Variants in NKAIN2 observed in about 807,000 individuals in gnomAD.
NKAIN2 encodes the protein sodium/potassium transporting ATPase interacting 2.
A neutral mutation model predicts 32.6 loss-of-function variants in NKAIN2; 14 were observed. That is an observed-to-expected ratio of 0.43 (90% CI 0.28 to 0.67). The LOEUF (loss-of-function observed/expected upper bound fraction) is 0.67, where lower values mean the gene tolerates loss of function less well. NKAIN2 is among the 30% of genes least tolerant of loss of function. NKAIN2 has a pLI of 0.17. For synonymous variants in NKAIN2, 80 were observed against 87.2 expected, an observed-to-expected ratio of 0.92 and a Z score of 0.46; for missense variants, 198 against 258.3, an observed-to-expected ratio of 0.77 and a Z score of 1.60.
chr6:124,696,486 G>C (rs531741580), intron 4 of NKAIN2, among the ~76,000 whole-genome samples: 54 of 152,214 alleles, frequency 3.5e-4, no homozygotes, highest in African/African-American at 1.3e-3. Context: ...AGACCTGCGG[G>C]ATTGAAAATA....
At position 123,858,119 on chromosome 6, in the gene NKAIN2, TA is replaced by T. The variant is rs768918651; in HGVS notation, c.54+53866del. Among the ~76,000 whole-genome samples, 83 of 148,344 alleles carry T rather than the reference TA, an allele frequency of 5.6e-4. 3 individuals are homozygous for T. The highest frequency in any genetic ancestry group is 6.9e-3 in the Middle Eastern group (2 of 288). On this transcript the variant is annotated intron_variant, in intron 1 of 6. Transcript: ENST00000368417. ...CTATCCTTCCTAACATTATTATTAT[TA>T]TTTTTTTTTTTTTGAGAGGGATACT...
intron 3 of NKAIN2, among the ~76,000 whole-genome samples, chr6:124,504,211 C>G (rs1472623407): frequency 6.6e-6 from 1 of 152,098 alleles, no homozygotes. Context: ...TCTTTTGAGC[C>G]AGCTTTACCA....
At chr6:123,881,041 G>T (rs765377091) in intron 1 of NKAIN2, among the ~76,000 whole-genome samples, 11 of 152,136 alleles carry the variant, frequency 7.2e-5, no homozygotes, top group African/African-American at 1.7e-4. Context: ...ACTGAGTTAG[G>T]TGTGACTAGG....
intron 1 of NKAIN2, among the ~76,000 whole-genome samples, chr6:124,158,403 GT>G (rs1788095054): frequency 6.6e-6 from 1 of 152,160 alleles, no homozygotes; most frequent in Admixed American, 6.5e-5. Flanking sequence ...TGTGGATTTT[GT>G]GGGGATGTAA....
At chr6:124,281,461 G>A (rs1402451369) in intron 1 of NKAIN2, among the ~76,000 whole-genome samples, 1 of 152,184 alleles carries the variant, frequency 6.6e-6, no homozygotes, top group Middle Eastern at 3.2e-3. Flanking sequence ...GGTTTATAAA[G>A]CTTAAGTGAT....
chr6:123,875,002 G>A (rs538885817), intron 1 of NKAIN2, among the ~76,000 whole-genome samples: 4 of 152,024 alleles, frequency 2.6e-5, no homozygotes, highest in African/African-American at 7.2e-5. Context: ...AGCTCATACT[G>A]TTTGTACTAT....
chr6:124,470,182 A>G (rs1776916535), intron 3 of NKAIN2, among the ~76,000 whole-genome samples: 1 of 152,136 alleles, frequency 6.6e-6, no homozygotes, highest in Non-Finnish European at 1.5e-5. Context: ...AGGATGAGGA[A>G]CCAAGACCAG....
At chr6:124,485,982 C>T (rs1034907828) in intron 3 of NKAIN2, among the ~76,000 whole-genome samples, 2 of 152,158 alleles carry the variant, frequency 1.3e-5, no homozygotes, top group Non-Finnish European at 2.9e-5. Flanking sequence ...AGAGATGTGC[C>T]TTCGTCATTG....
chr6:124,729,553 A>T (rs1169117656), intron 4 of NKAIN2, among the ~76,000 whole-genome samples: 1 of 151,642 alleles, frequency 6.6e-6, no homozygotes, highest in African/African-American at 2.4e-5. Context: ...TTGATGGGAC[A>T]TATTTCAAAA....
rs1335194489 is a variant in NKAIN2, at chr6:124,082,735, CTT to C, written c.55-200266_55-200265del. Among the ~76,000 whole-genome samples, 5 of 151,762 alleles carry C rather than the reference CTT, an allele frequency of 3.3e-5. No homozygotes were observed. The East Asian group carries it at 9.7e-4, about 29-fold the overall frequency. On this transcript the variant is annotated intron_variant, in intron 1 of 6. Coordinates refer to ENST00000368417, the MANE Select transcript of NKAIN2 (RefSeq NM_001040214.3). ...AAATGAATTCTTTCTATAAGTCATCCTTTTTATTAGATTTTCTGTATGATATT... is the reference window on the plus strand; with the variant it reads ...AAATGAATTCTTTCTATAAGTCATCCTTTATTAGATTTTCTGTATGATATT...
At chr6:124,360,280 G>A (rs1241350321) in intron 3 of NKAIN2, among the ~76,000 whole-genome samples, 1 of 152,084 alleles carries the variant, frequency 6.6e-6, no homozygotes, top group Non-Finnish European at 1.5e-5. Flanking sequence ...GATGATGCTG[G>A]CCTCATAAAA....
chr6:123,818,829 G>C (rs991215008), intron 1 of NKAIN2, among the ~76,000 whole-genome samples: 5 of 152,128 alleles, frequency 3.3e-5, no homozygotes, highest in African/African-American at 1.2e-4. Flanking sequence ...CTGTAAGAAA[G>C]AACCAGACAA....
intron 2 of NKAIN2, among the ~76,000 whole-genome samples, chr6:124,341,825 T>C (rs1798126490): frequency 6.6e-6 from 1 of 152,206 alleles, no homozygotes; most frequent in African/African-American, 2.4e-5. Flanking sequence ...TTGATTTAGA[T>C]GTAACAGGAT....
intron 4 of NKAIN2, among the ~76,000 whole-genome samples, chr6:124,675,371 T>C (rs1011303688): frequency 3.3e-5 from 5 of 152,066 alleles, no homozygotes; most frequent in African/African-American, 1.2e-4. Context: ...TAGTGTCTTT[T>C]TGTGGTTCTG....
intron 1 of NKAIN2, among the ~76,000 whole-genome samples, chr6:123,862,407 A>G (rs1276982989): frequency 2.0e-5 from 3 of 152,126 alleles, no homozygotes; most frequent in African/African-American, 7.2e-5. Flanking sequence ...CACAGCTTAC[A>G]TGGACTATAG....
chr6:124,156,621 C>T (rs148146292), intron 1 of NKAIN2, among the ~76,000 whole-genome samples: 1 of 152,222 alleles, frequency 6.6e-6, no homozygotes, highest in East Asian at 1.9e-4. Context: ...AAGGCACAGA[C>T]AGACTGGAAA....
chr6:124,223,878 C>T lies in NKAIN2; in HGVS notation c.55-59127C>T, dbSNP rs558088598. 1.6e-4 allele frequency among the ~76,000 whole-genome samples: 24 copies of T among 152,156 alleles called. 1 individual carries two copies. In the South Asian group the frequency reaches 5.0e-3, roughly 32 times the overall value. ...AAATATAGAGATCTGCATAGTAATA[C>T]AAAATGAGAGAATTTACTGCCTGTG... On this transcript the variant is annotated intron_variant, in intron 1 of 6. Transcript: ENST00000368417.
At chr6:124,531,152 C>A (rs1779510917) in intron 3 of NKAIN2, among the ~76,000 whole-genome samples, 1 of 152,158 alleles carries the variant, frequency 6.6e-6, no homozygotes, top group African/African-American at 2.4e-5. Flanking sequence ...TCATTAGAAC[C>A]TGACCATGCT....
chr6:123,823,441 G>A (rs1774008315), intron 1 of NKAIN2: 1 of 152,236 alleles, frequency 6.6e-6, no homozygotes, highest in South Asian at 2.1e-4. Flanking sequence ...GTAAGGAAGT[G>A]ACATTACTGT....
Sources: gnomAD v4.1 joint callset for allele counts (sites outside exome capture counted in the v4.1 genomes callset) on GRCh38, gnomAD v4.1.1 for gene constraint, MANE v1.5 for transcripts, NCBI Gene and HGNC (gene_info 2026-07-23, HGNC 2026-07-21) for gene names.